Variants in MARK3 observed in about 807,000 individuals in gnomAD.
MARK3 encodes MAP/microtubule affinity-regulating kinase 3.
MARK3 carries 46 observed loss-of-function variants against 90.1 expected under a neutral mutation model. The observed-to-expected ratio is 0.51, with a 90% CI of 0.40 to 0.65. The LOEUF (loss-of-function observed/expected upper bound fraction) is 0.65, where lower values mean the gene tolerates loss of function less well. Ranked by LOEUF, MARK3 falls within the 30% of genes least tolerant of loss-of-function variation. MARK3 has a pLI of 0.00. For missense variants in MARK3, 818 were observed against 947.2 expected (o/e 0.86, Z 1.79); for synonymous variants, 321 against 332.6 (o/e 0.97, Z 0.38).
intron 5 of MARK3, among the ~76,000 whole-genome samples, chr14:103,455,977 A>G (rs1185360816): frequency 1.3e-5 from 2 of 152,208 alleles, no homozygotes; most frequent in East Asian, 3.8e-4. Flanking sequence ...AATTTTCTAA[A>G]TTAGTATTCT....
At chr14:103,393,655 C>T (rs2090407689) in intron 1 of MARK3, among the ~76,000 whole-genome samples, 1 of 152,056 alleles carries the variant, frequency 6.6e-6, no homozygotes, top group Admixed American at 6.6e-5. Flanking sequence ...ACTATTTAGA[C>T]TTACATGGTG....
chr14:103,394,758 T>A (rs2090471782), intron 1 of MARK3, among the ~76,000 whole-genome samples: 1 of 152,208 alleles, frequency 6.6e-6, no homozygotes, highest in Non-Finnish European at 1.5e-5. Flanking sequence ...TCACAGGTTT[T>A]GTTCATAGAA....
At chr14:103,482,017 C>T (rs1315250608) in intron 14 of MARK3, among the ~76,000 whole-genome samples, 5 of 151,122 alleles carry the variant, frequency 3.3e-5, no homozygotes, top group East Asian at 2.0e-4. Flanking sequence ...CCACCCACCT[C>T]GGCCTCCCAA....
At chr14:103,466,492 T>G (rs769400993) in intron 10 of MARK3, 50 bp downstream of exon 10, 4 of 1,254,880 alleles carry the variant, frequency 3.2e-6, no homozygotes, top group Admixed American at 2.0e-5. Flanking sequence ...AAGTAACATA[T>G]TTCTGTTTTG....
At chr14:103,434,123 A>G (rs2092658208) in intron 3 of MARK3, among the ~76,000 whole-genome samples, 1 of 152,118 alleles carries the variant, frequency 6.6e-6, no homozygotes, top group Non-Finnish European at 1.5e-5. Context: ...CTCTGGGAGG[A>G]TACAGCGTAC....
intron 2 of MARK3, among the ~76,000 whole-genome samples, chr14:103,420,399 T>TA (rs2092158975): frequency 6.6e-6 from 1 of 151,494 alleles, no homozygotes; most frequent in South Asian, 2.1e-4. Flanking sequence ...CCGGCTGATT[T>TA]TTTGTATTTT....
At chr14:103,443,417 C>A (rs1029402487) in intron 3 of MARK3, among the ~76,000 whole-genome samples, 1 of 152,154 alleles carries the variant, frequency 6.6e-6, no homozygotes, top group African/African-American at 2.4e-5. Context: ...TTATAATATC[C>A]ATTCTAAAAT....
intron 1 of MARK3, among the ~76,000 whole-genome samples, chr14:103,402,214 A>G (rs2091005395): frequency 6.6e-6 from 1 of 152,194 alleles, no homozygotes; most frequent in Non-Finnish European, 1.5e-5. Flanking sequence ...TTATAAGCAC[A>G]CTGGTGAGTA....
intron 3 of MARK3, among the ~76,000 whole-genome samples, chr14:103,442,486 T>C (rs2092883673): frequency 6.6e-6 from 1 of 151,804 alleles, no homozygotes; most frequent in South Asian, 2.1e-4. Flanking sequence ...TTCCAATGTG[T>C]GATGACTATG....
chr14:103,419,600 G>C lies in MARK3; in HGVS notation c.244-8787G>C, dbSNP rs555291484. Among the ~76,000 whole-genome samples the C allele has an allele frequency of 3.7e-4, 57 of 152,214 alleles. No homozygotes were observed. The South Asian group carries it at 0.011, about 29-fold the overall frequency. On this transcript the variant is annotated intron_variant, in intron 2 of 17. Coordinates refer to ENST00000429436, the MANE Select transcript of MARK3 (RefSeq NM_001128918.3). Reference sequence around the variant, plus strand: ...CTCTGCATTCACACTATTTAAGTATGTTGTTTTGGTTGAAGTGTATAAAGA... The same window carrying C: ...CTCTGCATTCACACTATTTAAGTATCTTGTTTTGGTTGAAGTGTATAAAGA...
In MARK3 at chr14:103,466,356, A is replaced by G; in HGVS notation, c.911A>G (p.Asp304Gly). The change falls in exon 10 of 18, where the codon GAC becomes GGC. Residue 304 changes from aspartate (D) to glycine (G), a missense_variant. By Grantham distance (94) the Asp-to-Gly change is moderately conservative. Around this residue, in one of 3 missense-constraint regions of MARK3, gnomAD observed 560 missense variants for 613.5 expected, o/e 0.91. Coordinates refer to ENST00000429436, the MANE Select transcript of MARK3 (RefSeq NM_001128918.3). ...KRGTLEQIMK[D>G]RWINAGHEED... ...TACCTTTTTTAGCAAATCATGAAGG[A>G]CAGGTGGATCAATGCAGGGCATGAA... The G allele has an allele frequency of 6.2e-7, 1 of 1,612,784 alleles. No individual in the cohort carries two copies. Among genetic ancestry groups the G allele is most frequent in the South Asian group, 1.1e-5 (1 of 91,014 alleles).
chr14:103,433,207 C>A (rs2092634819), intron 3 of MARK3, among the ~76,000 whole-genome samples: 1 of 151,354 alleles, frequency 6.6e-6, no homozygotes, highest in African/African-American at 2.4e-5. Context: ...TGCCTCAGCC[C>A]CCTGAGTAGC....
chr14:103,389,528 CA>C (rs67737305), intron 1 of MARK3, among the ~76,000 whole-genome samples: 3,432 of 49,728 alleles, frequency 0.069, 49 homozygotes, highest in Middle Eastern at 0.087. Context: ...ACTCTGTCTC[CA>C]AAAAAAAAAA....
intron 13 of MARK3, among the ~76,000 whole-genome samples, chr14:103,478,533 T>C (rs1949416158): frequency 6.6e-6 from 1 of 152,140 alleles, no homozygotes; most frequent in East Asian, 1.9e-4. Flanking sequence ...ATTTGTAGCA[T>C]GTATTTTCTT....
chr14:103,440,235 A>G (rs2141192698), intron 3 of MARK3, among the ~76,000 whole-genome samples: 1 of 152,304 alleles, frequency 6.6e-6, no homozygotes, highest in South Asian at 2.1e-4. Context: ...AGACATTTGG[A>G]TTGCTTTTTG....
intron 11 of MARK3, 159 bp from the exon 12 acceptor site, chr14:103,467,874 T>G (rs1057483908): frequency 6.7e-6 from 4 of 595,256 alleles, no homozygotes; most frequent in Non-Finnish European, 1.1e-5. Flanking sequence ...AGAAAACTAC[T>G]TTTGCTTGAG....
intron 15 of MARK3, 83 bp from the exon 16 acceptor site, chr14:103,498,419 C>G: frequency 4.1e-6 from 4 of 971,024 alleles, no homozygotes; most frequent in Non-Finnish European, 5.6e-6. Context: ...TTTTCTTTCT[C>G]TCTGTAATTG....
chr14:103,491,891 C>G lies in MARK3; in HGVS notation c.1701C>G (p.Gly567=). Residue 567 remains glycine, a synonymous_variant, in exon 15 of 18, where the codon GGC becomes GGG. Transcript: ENST00000429436. ...RGTASRSTFH[G]QPRERRTATY... is the part of the protein sequence containing the mutation. ...CTGCCAGTCGTAGCACTTTCCACGGCCAGCCCCGGGAACGGCGAACCGCAA... is the reference window on the plus strand; with the variant it reads ...CTGCCAGTCGTAGCACTTTCCACGGGCAGCCCCGGGAACGGCGAACCGCAA... 6.2e-7 allele frequency: 1 copy of G among 1,614,168 alleles called. No individual in the cohort carries two copies. The highest frequency in any genetic ancestry group is 8.5e-7 in the Non-Finnish European group (1 of 1,180,030).
chr14:103,464,289 C>CT lies in MARK3; in HGVS notation c.541-1241dup, dbSNP rs143005949. The stretch of plus-strand genomic sequence containing the variant: ...TTCTTAAAGTGACTGTGATTTGTCT[C>CT]TTTTTTTTTTTTTTTTTTTTTTTTT... On this transcript the variant is annotated intron_variant, in intron 7 of 17. Transcript: ENST00000429436. Among the ~76,000 whole-genome samples, 46 of 68,666 alleles carry CT rather than the reference C, an allele frequency of 6.7e-4. 3 individuals are homozygous for CT. Among genetic ancestry groups the CT allele is most frequent in the African/African-American group, 2.2e-3 (37 of 16,478 alleles). The allele number at this position is 68,666 out of a possible 152,430, so 45.0% of individuals were successfully genotyped here. A position where few individuals can be genotyped will look rare whatever the true frequency, so the allele number is the denominator to read the frequency against.
Sources: gnomAD v4.1 joint callset for allele counts (sites outside exome capture counted in the v4.1 genomes callset) on GRCh38, gnomAD v4.1.1 for gene constraint, gnomAD v4.1.1 regional missense constraint, MANE v1.5 for transcripts, NCBI Gene and HGNC (gene_info 2026-07-23, HGNC 2026-07-21) for gene names.